The following MICAL3 variants were observed in gnomAD, a reference collection of about 807,000 sequenced individuals.
The protein encoded by MICAL3 is [F-actin]-monooxygenase MICAL3.
Under a neutral mutation model 207.4 loss-of-function variants are expected in MICAL3, and 62 were observed. That is an observed-to-expected ratio of 0.30 (90% confidence interval 0.24 to 0.37). MICAL3 has a LOEUF of 0.37. Ranked by LOEUF, MICAL3 falls within the 10% of genes least tolerant of loss-of-function variation. The pLI is 1.00. For synonymous variants in MICAL3, 1,077 were observed against 1,069.3 expected, an observed-to-expected ratio of 1.01 and a Z score of -0.14; for missense variants, 2,368 against 2,635.6, an observed-to-expected ratio of 0.90 and a Z score of 2.22.
At chr22:17,844,607 C>T (rs5992876) in intron 19 of MICAL3, among the ~76,000 whole-genome samples, 6,019 of 152,280 alleles carry the variant, frequency 0.04, 315 homozygotes, top group African/African-American at 0.13. Flanking sequence ...GGCGTATTCA[C>T]ATACAAATTC....
At chr22:17,977,124 A>T (rs1410385031) in intron 1 of MICAL3, among the ~76,000 whole-genome samples, 3 of 152,182 alleles carry the variant, frequency 2.0e-5, no homozygotes, top group Admixed American at 6.5e-5. Context: ...CAATAGAAAC[A>T]TCTGAAAGCA....
At position 17,793,146 on chromosome 22, in the gene MICAL3, C is replaced by T. The variant is rs1057328501; in HGVS notation, c.5651-1845G>A. Among the ~76,000 whole-genome samples, 7 of 152,212 alleles carry T rather than the reference C, an allele frequency of 4.6e-5. No individual in the cohort carries two copies. Among genetic ancestry groups the T allele is most frequent in the African/African-American group, 1.7e-4 (7 of 41,464 alleles). ...GGTGTGTGAGCGAGAGTCGGGTGAG[C>T]GCTGTGGACGGCAGGTAAGAGTTAG... On this transcript the variant is annotated intron_variant, in intron 29 of 31. Coordinates refer to ENST00000441493, the MANE Select transcript of MICAL3 (RefSeq NM_015241.3). This position sits in a 1 kb window ranked among gnomAD's most constrained non-coding sequence, Gnocchi z 4.1.
Position 17,852,436 on chromosome 22 carries a change from T to C in MICAL3, c.2606-10419A>G, listed in dbSNP as rs553490487. On this transcript the variant is annotated intron_variant, in intron 19 of 31. Transcript: ENST00000441493. ...CTGAGGCTGGCCTGGAAGAGAATCA[T>C]TAGTGTCTCGGAATGGAGAGGCTCT... Among the ~76,000 whole-genome samples, 93 of 152,232 alleles carry C rather than the reference T, an allele frequency of 6.1e-4. 1 individual carries two copies. Among genetic ancestry groups the C allele is most frequent in the African/African-American group, 2.2e-3 (91 of 41,544 alleles).
chr22:17,827,993 CTCAT>C (rs1478678813), intron 21 of MICAL3, among the ~76,000 whole-genome samples: 2 of 152,148 alleles, frequency 1.3e-5, no homozygotes, highest in East Asian at 3.8e-4. Context: ...AGTCCTTCTG[CTCAT>C]TCAGTGTGAC....
intron 1 of MICAL3, among the ~76,000 whole-genome samples, chr22:17,912,294 T>C (rs1932194831): frequency 6.6e-6 from 1 of 152,126 alleles, no homozygotes; most frequent in South Asian, 2.1e-4. Context: ...TGGTCTCCTT[T>C]AGAAGGGCTG....
chr22:17,790,702 C>A lies in MICAL3; in HGVS notation c.*30G>T. 1.3e-6 allele frequency: 2 copies of A among 1,558,858 alleles called. No individual in the cohort carries two copies. The highest frequency in any genetic ancestry group is 1.7e-6 in the Non-Finnish European group (2 of 1,149,996). ...ATGCCACTGCCTGGCCAGGCGGATG[C>A]CAACAGAAAATGGAGCGTTGGGTGG... On this transcript the variant is annotated 3_prime_UTR_variant, in exon 32 of 32. Transcript: ENST00000441493.
intron 19 of MICAL3, among the ~76,000 whole-genome samples, chr22:17,851,607 T>C (rs1451072831): frequency 6.6e-6 from 1 of 152,234 alleles, no homozygotes; most frequent in Admixed American, 6.5e-5. Context: ...CTTGGTTTCC[T>C]GATCTTAACA....
intron 13 of MICAL3, 80 bp from the exon 14 acceptor site, chr22:17,887,515 G>T: frequency 1.1e-6 from 1 of 883,580 alleles, no homozygotes; most frequent in Non-Finnish European, 1.8e-6. Flanking sequence ...TCTCCCTCGT[G>T]GATGGTTCGC....
At chr22:17,790,976 A>C (rs947759979) in intron 31 of MICAL3, 22 bp downstream of exon 31, 44 of 1,612,396 alleles carry the variant, frequency 2.7e-5, no homozygotes, top group Non-Finnish European at 3.6e-5. Context: ...CCTGGCCTCC[A>C]TGGGTGCCTT....
At chr22:17,909,555 T>C (rs1931978407) in intron 1 of MICAL3, among the ~76,000 whole-genome samples, 1 of 152,144 alleles carries the variant, frequency 6.6e-6, no homozygotes, top group Non-Finnish European at 1.5e-5. Flanking sequence ...CAATACACTG[T>C]TAACACACAT....
intron 19 of MICAL3, among the ~76,000 whole-genome samples, chr22:17,851,678 CA>C (rs1385927450): frequency 1.3e-5 from 2 of 152,186 alleles, no homozygotes; most frequent in Admixed American, 1.3e-4. Context: ...TCCCCAAGAA[CA>C]AATGGGAACG....
chr22:17,960,720 CA>C (rs1362021325), intron 1 of MICAL3, among the ~76,000 whole-genome samples: 1 of 152,112 alleles, frequency 6.6e-6, no homozygotes, highest in East Asian at 1.9e-4. Context: ...GATTTGGAAA[CA>C]GACACCCGCC....
intron 1 of MICAL3, among the ~76,000 whole-genome samples, chr22:17,909,435 C>T (rs1602200147): frequency 6.6e-6 from 1 of 152,184 alleles, no homozygotes; most frequent in South Asian, 2.1e-4. Context: ...TGAGGCATGA[C>T]AATTGCTTGA....
intron 16 of MICAL3, among the ~76,000 whole-genome samples, chr22:17,877,208 GGAGGTTATGGAGGTTAGGGAGGTTAT>G: frequency 9.4e-6 from 1 of 105,890 alleles, no homozygotes; most frequent in South Asian, 2.8e-4. Flanking sequence ...GGGAGGTTAT[GGAGGTTATGGAGGTTAGGGAGGTTAT>G]GGAGGTTAGG....
At chr22:17,898,161 T>C (rs901782595) in intron 7 of MICAL3, among the ~76,000 whole-genome samples, 1 of 151,684 alleles carries the variant, frequency 6.6e-6, no homozygotes, top group South Asian at 2.1e-4. Context: ...CATTCTAGAC[T>C]GCTCCTATCA....
At position 17,841,785 on chromosome 22, in the gene MICAL3, T is replaced by C; in HGVS notation, c.2801+37A>G. 1 of 1,538,378 alleles carries C rather than the reference T, an allele frequency of 6.5e-7. No homozygotes were observed. Among genetic ancestry groups the C allele is most frequent in the Non-Finnish European group, 8.8e-7 (1 of 1,141,730 alleles). On this transcript the variant is annotated intron_variant, in intron 20 of 31. Coordinates refer to ENST00000441493, the MANE Select transcript of MICAL3 (RefSeq NM_015241.3). The surrounding 1 kb of genome is among the most constrained non-coding windows in gnomAD (Gnocchi z 4.2). Reference sequence around the variant, plus strand: ...AGAGGTGAGGAGGCTCTTAGGGCCGTGTGGCGGGTGGGCGCCCTGCAGCCC... The same window carrying C: ...AGAGGTGAGGAGGCTCTTAGGGCCGCGTGGCGGGTGGGCGCCCTGCAGCCC...
rs754438493 is a variant in MICAL3, at chr22:17,818,808, C to G, written c.3853G>C (p.Ala1285Pro). ...PTQSPIRFQP[A>P]PAKTSTPLAP... The stretch of plus-strand genomic sequence containing the variant: ...AGTGGGGTGGATGTTTTGGCCGGGG[C>G]AGGCTGGAAGCGTATGGGGGACTGG... Residue 1285 changes from alanine (A) to proline (P), a missense_variant, in exon 26 of 32, where the codon GCC becomes CCC. Physicochemically the swap from Ala to Pro is conservative, Grantham distance 27. Coordinates refer to ENST00000441493, the MANE Select transcript of MICAL3 (RefSeq NM_015241.3). 5.1e-6 allele frequency: 8 copies of G among 1,564,496 alleles called. No homozygotes were observed. In the Admixed American group the frequency reaches 1.2e-4, roughly 24 times the overall value.
Position 18,022,295 on chromosome 22 carries a change from G to C in MICAL3, c.-75+1986C>G, listed in dbSNP as rs560465951. ...GAGGAAGTTTCTAGGATTTCCCATA[G>C]GCTTACGAGGGACTCGCCATGTGGA... On this transcript the variant is annotated intron_variant, in intron 1 of 31. Coordinates refer to ENST00000441493, the MANE Select transcript of MICAL3 (RefSeq NM_015241.3). Among the ~76,000 whole-genome samples the C allele has an allele frequency of 2.0e-5, 3 of 152,284 alleles. No individual in the cohort carries two copies. The East Asian group carries it at 5.8e-4, about 29-fold the overall frequency.
intron 1 of MICAL3, among the ~76,000 whole-genome samples, chr22:17,984,942 A>C (rs1180118882): frequency 1.3e-5 from 2 of 152,064 alleles, no homozygotes; most frequent in African/African-American, 4.8e-5. Context: ...CCTCTCAGTA[A>C]GCATGAGTGA....
Sources: allele counts gnomAD v4.1 joint callset (sites outside exome capture counted in the v4.1 genomes callset), GRCh38; gene constraint gnomAD v4.1.1; non-coding constraint Gnocchi (gnomAD v3.1); transcripts MANE v1.5; gene names NCBI Gene and HGNC (gene_info 2026-07-23, HGNC 2026-07-21).